Variants in CHSY1 observed in about 807,000 individuals in gnomAD.
The protein encoded by CHSY1 is chondroitin sulfate synthase 1, also known as N-acetylgalactosaminyl-proteoglycan 3-beta-glucuronosyltransferase 1.
A neutral mutation model predicts 59.8 loss-of-function variants in CHSY1; 13 were observed. The ratio of observed to expected loss-of-function variants is 0.22; its 90% CI spans 0.14 to 0.35. The LOEUF (loss-of-function observed/expected upper bound fraction) is 0.35. Among genes scored for constraint, CHSY1 ranks in the 10% least tolerant of loss-of-function variants. The pLI is 1.00. For synonymous variants in CHSY1, 459 were observed against 401.2 expected (o/e 1.14, Z -1.72); for missense variants, 947 against 1,030.6 (o/e 0.92, Z 1.11).
intron 2 of CHSY1, among the ~76,000 whole-genome samples, chr15:101,190,617 A>T (rs2038430622): frequency 1.3e-5 from 2 of 152,266 alleles, no homozygotes; most frequent in East Asian, 1.9e-4. Flanking sequence ...AACTGGACTT[A>T]ATTAAAGTTA....
intron 1 of CHSY1, among the ~76,000 whole-genome samples, chr15:101,239,248 C>T (rs1373721849): frequency 6.6e-6 from 1 of 152,236 alleles, no homozygotes; most frequent in Non-Finnish European, 1.5e-5. Flanking sequence ...TGGTGCCACA[C>T]GTGTTTGCAA....
At chr15:101,188,600 A>AAG (rs949115368) in intron 2 of CHSY1, among the ~76,000 whole-genome samples, 42 of 152,148 alleles carry the variant, frequency 2.8e-4, no homozygotes, top group Admixed American at 2.0e-3. Context: ...GTGGTTAAAA[A>AAG]AAAAAAGAGA....
At chr15:101,204,658 C>T (rs993285551) in intron 2 of CHSY1, among the ~76,000 whole-genome samples, 1 of 151,720 alleles carries the variant, frequency 6.6e-6, no homozygotes, top group Non-Finnish European at 1.5e-5. Flanking sequence ...AATCCCAGCA[C>T]TTTGGGAGGC....
chr15:101,221,043 C>T (rs2038783455), intron 2 of CHSY1, among the ~76,000 whole-genome samples: 1 of 152,168 alleles, frequency 6.6e-6, no homozygotes, highest in Admixed American at 6.5e-5. Context: ...CTCAGTGCCA[C>T]CTGCCATTAT....
In CHSY1 at chr15:101,178,259, T is replaced by C; in HGVS notation, c.1538A>G (p.Lys513Arg). The C allele has an allele frequency of 6.2e-7, 1 of 1,613,920 alleles. No homozygotes were observed. Among genetic ancestry groups the C allele is most frequent in the Non-Finnish European group, 8.5e-7 (1 of 1,179,758 alleles). ...SLSFLSNSLK[K>R]LVPFQLPGSK... ...CCCAGGGAGCTGAAAGGGGACGAGC[T>C]TCTTCAGGGAGTTTGAGAGAAAGGA... Residue 513 changes from lysine to arginine, a missense_variant, in exon 3 of 3, where the codon AAG becomes AGG. Physicochemically the swap from Lys to Arg is conservative, Grantham distance 26. Coordinates refer to ENST00000254190, the MANE Select transcript of CHSY1 (RefSeq NM_014918.5).
intron 1 of CHSY1, among the ~76,000 whole-genome samples, chr15:101,235,904 A>G (rs1372307953): frequency 2.6e-5 from 4 of 152,148 alleles, no homozygotes; most frequent in Non-Finnish European, 5.9e-5. Context: ...CCTACCTAAG[A>G]ACTTCTCAAC....
At chr15:101,239,193 T>C (rs185387566) in intron 1 of CHSY1, among the ~76,000 whole-genome samples, 11 of 152,382 alleles carry the variant, frequency 7.2e-5, no homozygotes, top group African/African-American at 2.4e-4. Flanking sequence ...GGTCACTAAA[T>C]GTGTGCACTG....
intron 2 of CHSY1, among the ~76,000 whole-genome samples, chr15:101,219,584 C>T (rs962454307): frequency 6.6e-6 from 1 of 152,210 alleles, no homozygotes; most frequent in African/African-American, 2.4e-5. Context: ...CTTACTTCTC[C>T]AAACAAACAC....
intron 1 of CHSY1, among the ~76,000 whole-genome samples, chr15:101,246,706 A>G (rs1011736279): frequency 6.6e-6 from 1 of 152,180 alleles, no homozygotes; most frequent in African/African-American, 2.4e-5. Context: ...TAAAGTTGAG[A>G]TGATTTCTAC....
chr15:101,196,999 T>G (rs1302720383), intron 2 of CHSY1, among the ~76,000 whole-genome samples: 2 of 152,254 alleles, frequency 1.3e-5, no homozygotes, highest in African/African-American at 4.8e-5. Flanking sequence ...CTTTTATTCT[T>G]TGTTTACCTA....
intron 2 of CHSY1, among the ~76,000 whole-genome samples, chr15:101,216,731 G>A (rs553920179): frequency 4.1e-5 from 6 of 144,656 alleles, no homozygotes; most frequent in African/African-American, 1.5e-4. Context: ...CAGTTGGGAA[G>A]GAGGGAGAAG....
At chr15:101,245,498 C>T (rs899357040) in intron 1 of CHSY1, among the ~76,000 whole-genome samples, 1 of 152,204 alleles carries the variant, frequency 6.6e-6, no homozygotes, top group Non-Finnish European at 1.5e-5. Flanking sequence ...AATACCATCG[C>T]TCGTTTCCTT....
chr15:101,202,727 T>G (rs1284235285), intron 2 of CHSY1, among the ~76,000 whole-genome samples: 1 of 152,186 alleles, frequency 6.6e-6, no homozygotes, highest in Non-Finnish European at 1.5e-5. Context: ...TTTTTTAACT[T>G]TAAAAGGCTA....
intron 2 of CHSY1, among the ~76,000 whole-genome samples, chr15:101,192,591 A>C (rs975100833): frequency 1.3e-5 from 2 of 151,612 alleles, no homozygotes; most frequent in African/African-American, 4.8e-5. Flanking sequence ...ATATCTTCAG[A>C]AATACGAGAG....
chr15:101,186,768 C>A (rs1022989473), intron 2 of CHSY1: 1 of 152,174 alleles, frequency 6.6e-6, no homozygotes, highest in Non-Finnish European at 1.5e-5. Context: ...CACTACTGCA[C>A]TCCAGCCTAG....
chr15:101,179,700 G>A lies in CHSY1; in HGVS notation c.817-720C>T, dbSNP rs540469963. 2.1e-3 allele frequency among the ~76,000 whole-genome samples: 319 copies of A among 152,358 alleles called. 1 individual carries two copies. The highest frequency in any genetic ancestry group is 7.4e-3 in the African/African-American group (309 of 41,584). ...GCACGGGGTCTCCGGCACCAGCACG[G>A]AGCTTGGTGCCTGGGGGATCAGAAA... On this transcript the variant is annotated intron_variant, in intron 2 of 2. Coordinates refer to ENST00000254190, the MANE Select transcript of CHSY1 (RefSeq NM_014918.5).
chr15:101,214,065 C>T (rs1239837525), intron 2 of CHSY1, among the ~76,000 whole-genome samples: 3 of 151,910 alleles, frequency 2.0e-5, no homozygotes, highest in Admixed American at 2.0e-4. Context: ...ACCTGTGGGG[C>T]TGGTGGGGCA....
intron 2 of CHSY1, among the ~76,000 whole-genome samples, chr15:101,220,766 A>C (rs187261559): frequency 1.2e-3 from 183 of 152,254 alleles, no homozygotes; most frequent in Non-Finnish European, 1.4e-3. Context: ...CACGTGCTCT[A>C]ACTCAGCTTC....
chr15:101,218,849 G>C (rs1446442058), intron 2 of CHSY1, among the ~76,000 whole-genome samples: 1 of 152,154 alleles, frequency 6.6e-6, no homozygotes, highest in African/African-American at 2.4e-5. Context: ...ATGAAGAAAT[G>C]TAAGAACCAG....
Sources: gnomAD v4.1 joint callset for allele counts (sites outside exome capture counted in the v4.1 genomes callset) on GRCh38, gnomAD v4.1.1 for gene constraint, MANE v1.5 for transcripts, NCBI Gene and HGNC (gene_info 2026-07-23, HGNC 2026-07-21) for gene names.